The following RUNX1T1 variants were observed in gnomAD, a reference collection of about 807,000 sequenced individuals.
The protein encoded by RUNX1T1 is protein CBFA2T1.
RUNX1T1 carries 4 observed loss-of-function variants against 62.8 expected under a neutral mutation model. The ratio of observed to expected loss-of-function variants is 0.06; its 90% CI spans 0.03 to 0.15. RUNX1T1 has a LOEUF of 0.15. Ranked by LOEUF, RUNX1T1 falls within the 10% of genes least tolerant of loss-of-function variation. RUNX1T1 has a pLI of 1.00. For synonymous variants in RUNX1T1, 291 were observed against 286.0 expected (o/e 1.02, Z -0.18); for missense variants, 508 against 754.3 (o/e 0.67, Z 3.82).
At chr8:92,098,242 A>G (rs1005042096) in intron 1 of RUNX1T1, among the ~76,000 whole-genome samples, 1 of 152,220 alleles carries the variant, frequency 6.6e-6, no homozygotes, top group Non-Finnish European at 1.5e-5. Flanking sequence ...TATGTTAATT[A>G]TGTTCATAAT....
At chr8:91,991,405 A>C (rs1343883322) in intron 6 of RUNX1T1, among the ~76,000 whole-genome samples, 1 of 152,170 alleles carries the variant, frequency 6.6e-6, no homozygotes, top group Non-Finnish European at 1.5e-5. Flanking sequence ...CCCTCCTCCA[A>C]AGAAATTTAG....
intron 10 of RUNX1T1, among the ~76,000 whole-genome samples, chr8:91,969,428 A>G (rs369540140): frequency 6.6e-6 from 1 of 152,244 alleles, no homozygotes; most frequent in African/African-American, 2.4e-5. Context: ...GCCTCACGAT[A>G]TTGCTCATTT....
At chr8:92,019,326 TCTG>T (rs1823627842) in intron 1 of RUNX1T1, among the ~76,000 whole-genome samples, 1 of 152,120 alleles carries the variant, frequency 6.6e-6, no homozygotes, top group Non-Finnish European at 1.5e-5. Context: ...TGGTTTTCAT[TCTG>T]CTAACACTCA....
intron 2 of RUNX1T1, among the ~76,000 whole-genome samples, chr8:92,068,657 G>C (rs1205575829): frequency 6.6e-6 from 1 of 152,274 alleles, no homozygotes; most frequent in African/African-American, 2.4e-5. Flanking sequence ...TGGAGACACT[G>C]TTTTCAAAAC....
intron 2 of RUNX1T1, among the ~76,000 whole-genome samples, chr8:92,069,937 A>C (rs753976149): frequency 7.9e-5 from 12 of 152,168 alleles, no homozygotes; most frequent in African/African-American, 1.7e-4. Flanking sequence ...ATTCCTATTG[A>C]TAAATTGACA....
intron 1 of RUNX1T1, among the ~76,000 whole-genome samples, chr8:92,032,060 T>C (rs1587155539): frequency 8.4e-6 from 1 of 119,542 alleles, no homozygotes. Context: ...ACCACTGCAC[T>C]CCAGCCTGGG....
At chr8:92,081,658 G>C (rs975895661) in intron 1 of RUNX1T1, among the ~76,000 whole-genome samples, 4 of 149,882 alleles carry the variant, frequency 2.7e-5, no homozygotes, top group African/African-American at 9.9e-5. Context: ...TCTGTTCCAT[G>C]CCAGCAATTT....
intron 1 of RUNX1T1, among the ~76,000 whole-genome samples, chr8:92,033,716 A>G (rs1826694893): frequency 6.6e-6 from 1 of 152,100 alleles, no homozygotes; most frequent in Admixed American, 6.5e-5. Context: ...TCACGCCTAT[A>G]ATCCGAGAAC....
intron 10 of RUNX1T1, among the ~76,000 whole-genome samples, chr8:91,967,645 C>T (rs1018659575): frequency 6.6e-6 from 1 of 152,176 alleles, no homozygotes; most frequent in African/African-American, 2.4e-5. Flanking sequence ...CTAGAGTTAA[C>T]ACAAATAGCG....
intron 1 of RUNX1T1, among the ~76,000 whole-genome samples, chr8:92,079,144 G>A (rs1834862921): frequency 6.6e-6 from 1 of 152,088 alleles, no homozygotes; most frequent in Admixed American, 6.5e-5. Flanking sequence ...ATGATACATG[G>A]TTATTCCAAA....
intron 1 of RUNX1T1, among the ~76,000 whole-genome samples, chr8:92,093,034 C>T (rs1433721813): frequency 6.6e-6 from 1 of 152,124 alleles, no homozygotes; most frequent in Non-Finnish European, 1.5e-5. Flanking sequence ...AACAGGAAAA[C>T]TGATTGCATT....
Position 91,979,035 on chromosome 8 carries a change from C to T in RUNX1T1, c.1199-3062G>A, listed in dbSNP as rs77200350. On this transcript the variant is annotated intron_variant, in intron 8 of 10. Transcript: ENST00000396218. ...ATCTAAAGGGAAATAATTATATAAA[C>T]GTGTTTTACAATATCCTCTCCAGTT... Among the ~76,000 whole-genome samples, 1,088 of 152,238 alleles carry T rather than the reference C, an allele frequency of 7.1e-3. 13 individuals are homozygous for T. Among genetic ancestry groups the T allele is most frequent in the African/African-American group, 0.024 (1,007 of 41,530 alleles).
exon 11 of RUNX1T1, chr8:91,960,270 G>C: frequency 6.2e-7 from 1 of 1,609,454 alleles, no homozygotes. Flanking sequence ...TATGGTGGAA[G>C]GGGTTCCCGG....
chr8:92,060,945 G>C (rs752799123), intron 1 of RUNX1T1, among the ~76,000 whole-genome samples: 1 of 152,016 alleles, frequency 6.6e-6, no homozygotes, highest in Non-Finnish European at 1.5e-5. Flanking sequence ...GAGAGAGAGA[G>C]AGAGAAGCAG....
chr8:92,096,022 C>G (rs1181708940), intron 1 of RUNX1T1, among the ~76,000 whole-genome samples: 2 of 152,238 alleles, frequency 1.3e-5, no homozygotes, highest in East Asian at 1.9e-4. Context: ...GCCTTCCAGA[C>G]CAACCTCAAG....
chr8:92,097,828 A>G (rs991486727), intron 1 of RUNX1T1, among the ~76,000 whole-genome samples: 3 of 152,196 alleles, frequency 2.0e-5, no homozygotes, highest in African/African-American at 7.2e-5. Flanking sequence ...CCAATTCTCA[A>G]ATGGGAAGAA....
intron 1 of RUNX1T1, among the ~76,000 whole-genome samples, chr8:92,046,488 C>T (rs1829428406): frequency 6.6e-6 from 1 of 152,116 alleles, no homozygotes. Flanking sequence ...CTCAGCCTCC[C>T]AAGTAACTGG....
chr8:91,991,765 G>A (rs201542863), exon 6 of RUNX1T1: 2 of 1,614,128 alleles, frequency 1.2e-6, no homozygotes, highest in South Asian at 1.1e-5. Context: ...GGGTGAGGCA[G>A]GCCATTGGGC....
At chr8:92,057,984 A>C (rs928093078) in intron 1 of RUNX1T1, among the ~76,000 whole-genome samples, 8 of 152,200 alleles carry the variant, frequency 5.3e-5, no homozygotes, top group Non-Finnish European at 1.0e-4. Context: ...ACTGAGATCC[A>C]ATCTGCAGCA....
Sources: gnomAD v4.1 joint callset for allele counts (sites outside exome capture counted in the v4.1 genomes callset) on GRCh38, gnomAD v4.1.1 for gene constraint, MANE v1.5 for transcripts, NCBI Gene and HGNC (gene_info 2026-07-23, HGNC 2026-07-21) for gene names.